Variants in CHST8 observed in about 807,000 individuals in gnomAD.
CHST8 encodes GALNAC-4-ST1.
Under a neutral mutation model 15.0 loss-of-function variants are expected in CHST8, and 10 were observed. The ratio of observed to expected loss-of-function variants is 0.67; its 90% CI spans 0.41 to 1.13. The LOEUF (loss-of-function observed/expected upper bound fraction) is 1.13. Among genes scored for constraint, CHST8 ranks in the 50% most tolerant of loss-of-function variants. CHST8 has a pLI of 0.00. For missense variants in CHST8, 634 were observed against 608.2 expected (o/e 1.04, Z -0.45); for synonymous variants, 259 against 256.6 (o/e 1.01, Z -0.09).
At chr19:33,721,900 G>T (rs897874174) in intron 3 of CHST8, among the ~76,000 whole-genome samples, 1 of 150,428 alleles carries the variant, frequency 6.6e-6, no homozygotes, top group Non-Finnish European at 1.5e-5. Flanking sequence ...TGGGTAGATG[G>T]ATGGATGGAT....
chr19:33,721,573 G>A (rs1242533674), intron 3 of CHST8, among the ~76,000 whole-genome samples: 2 of 146,038 alleles, frequency 1.4e-5, no homozygotes, highest in Admixed American at 1.4e-4. Flanking sequence ...TGGATGGGTA[G>A]GCAGATGAGT....
In CHST8 at chr19:33,772,748, G is replaced by A. The variant is rs1163204413; in HGVS notation, c.960G>A (p.Arg320=). 3.7e-6 allele frequency: 6 copies of A among 1,613,332 alleles called. No individual in the cohort carries two copies. The highest frequency in any genetic ancestry group is 4.2e-6 in the Non-Finnish European group (5 of 1,180,026). The stretch of plus-strand genomic sequence containing the variant: ...TCCAGTACCTGCTGGACGTGCACCG[G>A]CCCGTGGGGATGGACATTCACTGGG... The part of the protein sequence containing the change: ...EFVQYLLDVH[R]PVGMDIHWDH... The change falls in exon 5 of 5, where the codon CGG becomes CGA. Residue 320 remains arginine (R), a synonymous_variant. Transcript: ENST00000650847.
intron 3 of CHST8, among the ~76,000 whole-genome samples, chr19:33,697,477 C>T (rs1973242238): frequency 6.6e-6 from 1 of 152,184 alleles, no homozygotes; most frequent in South Asian, 2.1e-4. Flanking sequence ...AGTGATCCAC[C>T]TGCCTCGTGC....
At chr19:33,654,157 T>C (rs1035043855) in intron 1 of CHST8, among the ~76,000 whole-genome samples, 5 of 152,214 alleles carry the variant, frequency 3.3e-5, no homozygotes, top group Non-Finnish European at 5.9e-5. Flanking sequence ...TTTTAATCAC[T>C]ATATTTTTCA....
chr19:33,636,123 C>T (rs1162927466), intron 1 of CHST8, among the ~76,000 whole-genome samples: 4 of 147,800 alleles, frequency 2.7e-5, no homozygotes, highest in African/African-American at 1.0e-4. Context: ...TTGACGCTTT[C>T]TCCAAAATTG....
At position 33,702,796 on chromosome 19, in the gene CHST8, G is replaced by A. The variant is rs150042569; in HGVS notation, c.130+13405G>A. Among the ~76,000 whole-genome samples the A allele has an allele frequency of 1.8e-3, 273 of 152,342 alleles. 1 individual carries two copies. The highest frequency in any genetic ancestry group is 6.0e-3 in the African/African-American group (251 of 41,586). On this transcript the variant is annotated intron_variant, in intron 3 of 4. Coordinates refer to ENST00000650847, the MANE Select transcript of CHST8 (RefSeq NM_001127895.2). ...AGTGACCCCGTTCCCACTCTGCCTG[G>A]CCCAGAATGCATTGGAGGGACCGGG...
chr19:33,641,950 T>C (rs1001388186), intron 1 of CHST8, among the ~76,000 whole-genome samples: 2 of 152,234 alleles, frequency 1.3e-5, no homozygotes, highest in Non-Finnish European at 2.9e-5. Context: ...CCAAACCATA[T>C]GTCTGTATAT....
Position 33,735,401 on chromosome 19 carries a change from G to A in CHST8, c.131-36012G>A, listed in dbSNP as rs548193250. On this transcript the variant is annotated intron_variant, in intron 3 of 4. Coordinates refer to ENST00000650847, the MANE Select transcript of CHST8 (RefSeq NM_001127895.2). ...GAGAGTGTGAATGGGACCGGGAACAGTGTCTGCCTCCAGCCAGGCTGCCCC... is the reference window on the plus strand; with the variant it reads ...GAGAGTGTGAATGGGACCGGGAACAATGTCTGCCTCCAGCCAGGCTGCCCC... 2.0e-5 allele frequency among the ~76,000 whole-genome samples: 3 copies of A among 152,382 alleles called. No homozygotes were observed. The East Asian group carries it at 5.8e-4, about 29-fold the overall frequency.
At chr19:33,727,082 T>C (rs1358707107) in intron 3 of CHST8, among the ~76,000 whole-genome samples, 1 of 151,970 alleles carries the variant, frequency 6.6e-6, no homozygotes, top group Non-Finnish European at 1.5e-5. Flanking sequence ...AAGATGCACT[T>C]CATCCACAGT....
At chr19:33,661,394 A>G (rs1340163315) in intron 1 of CHST8, among the ~76,000 whole-genome samples, 1 of 152,230 alleles carries the variant, frequency 6.6e-6, no homozygotes, top group East Asian at 1.9e-4. Context: ...GAGCTCATGT[A>G]TGCGACCCAG....
rs1351712747 is a variant in CHST8 at position 33,773,000 on chromosome 19, C to T, written c.1212C>T (p.Tyr404=). The T allele has an allele frequency of 1.2e-6, 2 of 1,613,124 alleles. No homozygotes were observed. The highest frequency in any genetic ancestry group is 1.7e-6 in the Non-Finnish European group (2 of 1,180,014). ...QLSALQRQRT[Y]DFYYMDYLMF... is the part of the protein sequence containing the mutation. Reference sequence around the variant, plus strand: ...CGGCCCTGCAAAGGCAGCGCACCTACGACTTCTACTACATGGATTACCTGA... The same window carrying T: ...CGGCCCTGCAAAGGCAGCGCACCTATGACTTCTACTACATGGATTACCTGA... The change falls in exon 5 of 5, where the codon TAC becomes TAT. Residue 404 remains tyrosine, a synonymous_variant. Coordinates refer to ENST00000650847, the MANE Select transcript of CHST8 (RefSeq NM_001127895.2).
intron 3 of CHST8, among the ~76,000 whole-genome samples, chr19:33,705,830 GA>G (rs1242368835): frequency 6.6e-6 from 1 of 152,138 alleles, no homozygotes; most frequent in Non-Finnish European, 1.5e-5. Context: ...GTGTCACAGC[GA>G]TGTCCCCAGT....
In CHST8 at chr19:33,772,895, C is replaced by G. The variant is rs772747332; in HGVS notation, c.1107C>G (p.Thr369=). 14 of 1,613,400 alleles carry G rather than the reference C, an allele frequency of 8.7e-6. No homozygotes were observed. Among genetic ancestry groups the G allele is most frequent in the Admixed American group, 1.7e-5 (1 of 60,004 alleles). Residue 369 remains threonine, a synonymous_variant, in exon 5 of 5, where the codon ACC becomes ACG. Transcript: ENST00000650847. Reference sequence around the variant, plus strand: ...TCATCCGCGCGCCGCGGAACCTGACCTTCCCCCGGTTCAAGGACCGGCACT... The same window carrying G: ...TCATCCGCGCGCCGCGGAACCTGACGTTCCCCCGGTTCAAGGACCGGCACT... ...LSLIRAPRNL[T]FPRFKDRHSQ...
At chr19:33,689,875 C>T (rs762128421) in intron 3 of CHST8, among the ~76,000 whole-genome samples, 12 of 152,274 alleles carry the variant, frequency 7.9e-5, no homozygotes, top group South Asian at 4.1e-4. Flanking sequence ...AGACCCCCTC[C>T]GAGGGTCCCC....
chr19:33,659,350 C>T (rs539796758), intron 1 of CHST8, among the ~76,000 whole-genome samples: 6 of 152,176 alleles, frequency 3.9e-5, no homozygotes, highest in African/African-American at 1.4e-4. Context: ...CAGGTGTGAG[C>T]CACCCCAACC....
At chr19:33,673,901 G>A (rs911984976) in intron 2 of CHST8, among the ~76,000 whole-genome samples, 1 of 152,146 alleles carries the variant, frequency 6.6e-6, no homozygotes, top group African/African-American at 2.4e-5. Context: ...ATACAGGCTC[G>A]CGCCATCACA....
At chr19:33,665,438 C>T (rs758238598) in intron 1 of CHST8, among the ~76,000 whole-genome samples, 11 of 152,182 alleles carry the variant, frequency 7.2e-5, no homozygotes, top group Non-Finnish European at 1.3e-4. Flanking sequence ...ACAGGCGTGG[C>T]TGTGTTCCAA....
chr19:33,641,785 G>A (rs528104162), intron 1 of CHST8, among the ~76,000 whole-genome samples: 14 of 152,256 alleles, frequency 9.2e-5, no homozygotes, highest in African/African-American at 3.1e-4. Flanking sequence ...GAAGGGGGCA[G>A]TGGGACTCCC....
chr19:33,632,748 TG>T (rs1972138455), intron 1 of CHST8, among the ~76,000 whole-genome samples: 1 of 30,990 alleles, frequency 3.2e-5, no homozygotes, highest in African/African-American at 1.0e-4. Context: ...TGGTTTTCCT[TG>T]TGTGTGTGTG....
Sources: gnomAD v4.1 joint callset for allele counts (sites outside exome capture counted in the v4.1 genomes callset) on GRCh38, gnomAD v4.1.1 for gene constraint, MANE v1.5 for transcripts, NCBI Gene and HGNC (gene_info 2026-07-23, HGNC 2026-07-21) for gene names.